VPS37A: variants seen among roughly 807,000 people sequenced by gnomAD.
VPS37A encodes vacuolar protein sorting-associated protein 37A.
A neutral mutation model predicts 49.8 loss-of-function variants in VPS37A; 30 were observed. That is an observed-to-expected ratio of 0.60 (90% CI 0.45 to 0.82). The LOEUF is 0.82. VPS37A is among the 40% of genes least tolerant of loss of function. VPS37A has a pLI of 0.00. For synonymous variants in VPS37A, 195 were observed against 160.6 expected, an observed-to-expected ratio of 1.21 and a Z score of -1.62; for missense variants, 593 against 464.4, an observed-to-expected ratio of 1.28 and a Z score of -2.55.
downstream of VPS37A, chr8:17,298,661 G>A (rs1203012105): frequency 6.6e-6 from 1 of 152,438 alleles, no homozygotes; most frequent in Non-Finnish European, 1.5e-5. Flanking sequence ...ATTCTAGAAT[G>A]TACTAATATA....
At chr8:17,288,782 A>C (rs1815862640) in intron 11 of VPS37A, among the ~76,000 whole-genome samples, 2 of 152,196 alleles carry the variant, frequency 1.3e-5, no homozygotes, top group Non-Finnish European at 1.5e-5. Context: ...TAGATCCTTG[A>C]GGAATCACCA....
the VPS37A span, chr8:17,309,422 G>A: frequency 3.6e-6 from 3 of 839,178 alleles, no homozygotes; most frequent in East Asian, 4.9e-5. Flanking sequence ...GGCACTTGCA[G>A]AAGTCCCCAT....
At chr8:17,256,007 A>C (rs1032690140) in intron 1 of VPS37A, among the ~76,000 whole-genome samples, 2 of 152,002 alleles carry the variant, frequency 1.3e-5, no homozygotes, top group South Asian at 4.1e-4. Context: ...GTGGGAGTGC[A>C]GCTATCTCTT....
At chr8:17,256,295 T>TTC (rs1812450852) in intron 1 of VPS37A, among the ~76,000 whole-genome samples, 1 of 122,094 alleles carries the variant, frequency 8.2e-6, no homozygotes, top group Admixed American at 8.1e-5. Flanking sequence ...AAATGATTTT[T>TTC]TTTTTTTTTT....
chr8:17,308,215 T>C, the VPS37A span, among the ~76,000 whole-genome samples: 3 of 152,140 alleles, frequency 2.0e-5, no homozygotes, highest in African/African-American at 7.2e-5. Context: ...ATTTTTTCCT[T>C]ATCAAACAAT....
chr8:17,272,686 A>T (rs1032966270), intron 4 of VPS37A, among the ~76,000 whole-genome samples: 5 of 152,350 alleles, frequency 3.3e-5, no homozygotes, highest in South Asian at 2.1e-4. Flanking sequence ...ATAGCTTGTT[A>T]TATTCACATA....
chr8:17,257,453 G>A (rs1812574307), intron 1 of VPS37A, among the ~76,000 whole-genome samples: 1 of 152,120 alleles, frequency 6.6e-6, no homozygotes, highest in Non-Finnish European at 1.5e-5. Context: ...AAAACACATG[G>A]ATACAGGGAG....
chr8:17,276,856 T>A (rs1451881202), intron 6 of VPS37A, among the ~76,000 whole-genome samples: 1 of 152,154 alleles, frequency 6.6e-6, no homozygotes, highest in African/African-American at 2.4e-5. Flanking sequence ...AGAAATAAAG[T>A]TATAAAGTAT....
chr8:17,311,592 A>G, the VPS37A span: 4 of 1,614,122 alleles, frequency 2.5e-6, no homozygotes, highest in Admixed American at 6.7e-5. Flanking sequence ...TGTCCCAGCC[A>G]TCAGAACAGT....
chr8:17,302,585 T>G (rs921842709), downstream of VPS37A, among the ~76,000 whole-genome samples: 3 of 152,006 alleles, frequency 2.0e-5, no homozygotes, highest in African/African-American at 7.3e-5. Flanking sequence ...AAATGGCTCT[T>G]AGTTTTGAAC....
rs185943067 is a variant in VPS37A at position 17,261,507 on chromosome 8, C to T, written c.126-4400C>T. 1.3e-4 allele frequency among the ~76,000 whole-genome samples: 20 copies of T among 152,240 alleles called. No homozygotes were observed. In the East Asian group the frequency reaches 3.3e-3, roughly 25 times the overall value. ...TCATCCGCTTAGGGAAGTCAGGCTCCCTGTTTGCTCTTGTTTCCTGCGGAT... is the reference window on the plus strand; with the variant it reads ...TCATCCGCTTAGGGAAGTCAGGCTCTCTGTTTGCTCTTGTTTCCTGCGGAT... On this transcript the variant is annotated intron_variant, in intron 1 of 11. Transcript: ENST00000324849.
chr8:17,331,811 C>G, the VPS37A span, among the ~76,000 whole-genome samples: 1 of 152,186 alleles, frequency 6.6e-6, no homozygotes, highest in Non-Finnish European at 1.5e-5. Context: ...GCAGGAATTA[C>G]TGAATAAAAT....
rs538437630 is a variant in VPS37A, at chr8:17,281,840, G to A, written c.969+1397G>A. Among the ~76,000 whole-genome samples, 23 of 152,108 alleles carry A rather than the reference G, an allele frequency of 1.5e-4. 1 individual carries two copies. Among genetic ancestry groups the A allele is most frequent in the African/African-American group, 5.3e-4 (22 of 41,542 alleles). On this transcript the variant is annotated intron_variant, in intron 9 of 11. Coordinates refer to ENST00000324849, the MANE Select transcript of VPS37A (RefSeq NM_152415.3). ...TAAAGTACTTAGAAGTAAACCCAAT[G>A]AAGTAAGTTAGGAAACTTTATTGAA... is the stretch of plus-strand genomic sequence containing the variant.
At chr8:17,283,413 C>A (rs1195559127) in intron 9 of VPS37A, among the ~76,000 whole-genome samples, 2 of 152,158 alleles carry the variant, frequency 1.3e-5, no homozygotes, top group African/African-American at 4.8e-5. Flanking sequence ...GCCTCAGGCT[C>A]CCACAGTGCT....
At chr8:17,272,511 G>T (rs7018019) in intron 4 of VPS37A, among the ~76,000 whole-genome samples, 2 of 151,956 alleles carry the variant, frequency 1.3e-5, no homozygotes, top group African/African-American at 2.4e-5. Flanking sequence ...AGATAAGTTC[G>T]GGGATATAGT....
chr8:17,284,708 AT>A, intron 10 of VPS37A, 92 bp downstream of exon 10: 1 of 1,378,480 alleles, frequency 7.3e-7, no homozygotes, highest in Non-Finnish European at 9.8e-7. Flanking sequence ...CTATTTCTCT[AT>A]TATGATATCA....
chr8:17,311,487 G>T, the VPS37A span: 1 of 1,613,814 alleles, frequency 6.2e-7, no homozygotes, highest in Non-Finnish European at 8.5e-7. Flanking sequence ...CCGCCTGTGG[G>T]AATCGCCCAG....
At position 17,276,404 on chromosome 8, in the gene VPS37A, A is replaced by G. The variant is rs1301073766; in HGVS notation, c.650A>G (p.Gln217Arg). 29 of 1,611,630 alleles carry G rather than the reference A, an allele frequency of 1.8e-5. No individual in the cohort carries two copies. Among genetic ancestry groups the G allele is most frequent in the Non-Finnish European group, 2.3e-5 (27 of 1,179,084 alleles). The change falls in exon 6 of 12, where the codon CAA becomes CGA. Residue 217 changes from glutamine (Q) to arginine (R), a missense_variant. Coordinates refer to ENST00000324849, the MANE Select transcript of VPS37A (RefSeq NM_152415.3). ...PTVDASIPTS[Q>R]NGFGYKMPDV... ...TTTAAAACTTTTCTTTAGACAAGCC[A>G]AAATGGTTTTGGGTACAAGATGCCA...
chr8:17,271,052 A>C (rs569785462), intron 4 of VPS37A, among the ~76,000 whole-genome samples: 41 of 152,200 alleles, frequency 2.7e-4, no homozygotes, highest in Admixed American at 2.7e-3. Flanking sequence ...CTGGTTCATA[A>C]CAGTACTGAA....
Sources: allele counts gnomAD v4.1 joint callset (sites outside exome capture counted in the v4.1 genomes callset), GRCh38; gene constraint gnomAD v4.1.1; transcripts MANE v1.5; gene names NCBI Gene and HGNC (gene_info 2026-07-23, HGNC 2026-07-21).